The following CDH13 variants were observed in gnomAD, a reference collection of about 807,000 sequenced individuals.
CDH13 encodes the protein cadherin-13.
CDH13 carries 24 observed loss-of-function variants against 63.8 expected under a neutral mutation model. The observed-to-expected ratio is 0.38, with a 90% confidence interval of 0.27 to 0.53. The LOEUF is 0.53. CDH13 is among the 20% of genes least tolerant of loss of function. The pLI, the probability that CDH13 is intolerant of heterozygous loss-of-function variation, is 0.85. For missense variants in CDH13, 1,049 were observed against 903.1 expected (o/e 1.16, Z -2.07); for synonymous variants, 503 against 355.3 (o/e 1.42, Z -4.67).
At chr16:83,781,182 C>T (rs551938582) in intron 12 of CDH13, among the ~76,000 whole-genome samples, 1 of 152,230 alleles carries the variant, frequency 6.6e-6, no homozygotes, top group South Asian at 2.1e-4. Flanking sequence ...AAAACTTAAC[C>T]CAACTTCTAT....
chr16:82,986,857 TC>T (rs1911007193), intron 2 of CDH13, among the ~76,000 whole-genome samples: 1 of 152,216 alleles, frequency 6.6e-6, no homozygotes, highest in African/African-American at 2.4e-5. Flanking sequence ...ATTTCCCAGT[TC>T]TTTTAAACTT....
At chr16:82,637,490 G>T (rs1908808665) in intron 1 of CDH13, 1 of 145,112 alleles carries the variant, frequency 6.9e-6, no homozygotes, top group South Asian at 2.2e-4. Flanking sequence ...GAGGGCAGTG[G>T]CGCGATCTCG....
intron 7 of CDH13, among the ~76,000 whole-genome samples, chr16:83,586,855 G>T (rs1166612814): frequency 2.0e-5 from 3 of 152,178 alleles, no homozygotes; most frequent in Non-Finnish European, 4.4e-5. Flanking sequence ...GACAACAGCT[G>T]TGGTGTAACT....
At chr16:82,759,288 TC>T (rs1418926268) in intron 1 of CDH13, among the ~76,000 whole-genome samples, 1 of 152,166 alleles carries the variant, frequency 6.6e-6, no homozygotes, top group Admixed American at 6.5e-5. Flanking sequence ...CACTTGTACT[TC>T]CCAAATATAT....
chr16:83,383,437 A>G (rs1193825252), intron 6 of CDH13, among the ~76,000 whole-genome samples: 1 of 152,112 alleles, frequency 6.6e-6, no homozygotes, highest in Admixed American at 6.5e-5. Flanking sequence ...TCAACTCACA[A>G]GCCTTGACTC....
At chr16:83,048,666 A>G (rs2029917330) in intron 3 of CDH13, among the ~76,000 whole-genome samples, 1 of 152,086 alleles carries the variant, frequency 6.6e-6, no homozygotes. Flanking sequence ...TCCCTCTCAG[A>G]GAAAGACCGA....
At chr16:83,356,542 A>G (rs1053822550) in intron 6 of CDH13, among the ~76,000 whole-genome samples, 2 of 152,158 alleles carry the variant, frequency 1.3e-5, no homozygotes, top group Admixed American at 1.3e-4. Flanking sequence ...CCCTTGCTCT[A>G]AGACTCCCAT....
At chr16:82,970,389 T>C in intron 2 of CDH13, among the ~76,000 whole-genome samples, 2 of 104,274 alleles carry the variant, frequency 1.9e-5, no homozygotes, top group East Asian at 5.9e-4. Context: ...ATTCTTTTTT[T>C]TTTTTTTTTT....
At chr16:82,839,674 C>T (rs887948952) in intron 1 of CDH13, among the ~76,000 whole-genome samples, 1 of 152,166 alleles carries the variant, frequency 6.6e-6, no homozygotes, top group Non-Finnish European at 1.5e-5. Flanking sequence ...TCGCCATGTG[C>T]ACCTCTCTGC....
intron 5 of CDH13, among the ~76,000 whole-genome samples, chr16:83,237,586 A>G (rs993412465): frequency 2.6e-5 from 4 of 152,266 alleles, no homozygotes; most frequent in Non-Finnish European, 5.9e-5. Flanking sequence ...AAATAGCTGC[A>G]TTTGGCTGAT....
At chr16:83,404,691 C>T (rs966549871) in intron 6 of CDH13, among the ~76,000 whole-genome samples, 5 of 152,190 alleles carry the variant, frequency 3.3e-5, no homozygotes, top group South Asian at 2.1e-4. Context: ...AAATCTTCCT[C>T]GGTACCCTTC....
chr16:83,152,942 T>G (rs559809229), intron 4 of CDH13, among the ~76,000 whole-genome samples: 1 of 151,904 alleles, frequency 6.6e-6, no homozygotes, highest in African/African-American at 2.4e-5. Context: ...AAAGCAGAGA[T>G]TGGGATGATG....
intron 5 of CDH13, among the ~76,000 whole-genome samples, chr16:83,239,223 T>A (rs113084713): frequency 0.043 from 6,561 of 152,268 alleles, 152 homozygotes; most frequent in Middle Eastern, 0.065. Flanking sequence ...TTATAAGTTA[T>A]CACTGCAGAG....
chr16:83,237,620 G>GT lies in CDH13; in HGVS notation c.636+20127dup, dbSNP rs1162904693. Among the ~76,000 whole-genome samples, 6 of 152,340 alleles carry GT rather than the reference G, an allele frequency of 3.9e-5. No homozygotes were observed. The East Asian group carries it at 7.7e-4, about 20-fold the overall frequency. On this transcript the variant is annotated intron_variant, in intron 5 of 13. Coordinates refer to ENST00000567109, the MANE Select transcript of CDH13 (RefSeq NM_001257.5). ...ATGGCCTTACTGTTGGAAAGCATAG[G>GT]TTTTGAATGTCACAGGTGAAAACTG...
chr16:83,475,722 C>T (rs190445889), intron 6 of CDH13, among the ~76,000 whole-genome samples: 7 of 152,078 alleles, frequency 4.6e-5, no homozygotes, highest in South Asian at 2.1e-4. Context: ...ACTAGGATTA[C>T]AGGGACATGC....
At position 83,250,175 on chromosome 16, in the gene CDH13, T is replaced by A. The variant is rs1905355273; in HGVS notation, c.636+32678T>A. Among the ~76,000 whole-genome samples, 3 of 152,272 alleles carry A rather than the reference T, an allele frequency of 2.0e-5. No individual in the cohort carries two copies. The East Asian group carries it at 5.8e-4, about 29-fold the overall frequency. ...AATTTTGGTCTAGATTAGATTTTGT[T>A]TATAAACCTGAATAAATATTCAGAT... On this transcript the variant is annotated intron_variant, in intron 5 of 13. Transcript: ENST00000567109.
At chr16:83,102,924 C>T (rs7195791) in intron 3 of CDH13, among the ~76,000 whole-genome samples, 199 of 58,144 alleles carry the variant, frequency 3.4e-3, no homozygotes, top group African/African-American at 8.7e-3. Flanking sequence ...TTTTTTTTTT[C>T]TTTTTCTTTT....
intron 5 of CDH13, among the ~76,000 whole-genome samples, chr16:83,226,742 A>G (rs535128207): frequency 4.6e-5 from 7 of 152,166 alleles, no homozygotes; most frequent in Non-Finnish European, 1.0e-4. Context: ...TACAGGGAAC[A>G]AGTTAAATAA....
intron 2 of CDH13, among the ~76,000 whole-genome samples, chr16:82,889,351 A>G (rs1456841330): frequency 2.0e-5 from 3 of 150,936 alleles, no homozygotes; most frequent in Non-Finnish European, 4.4e-5. Flanking sequence ...CCAACCAACC[A>G]ACCTATCTAA....
Sources: gnomAD v4.1 joint callset for allele counts (sites outside exome capture counted in the v4.1 genomes callset) on GRCh38, gnomAD v4.1.1 for gene constraint, MANE v1.5 for transcripts, NCBI Gene and HGNC (gene_info 2026-07-23, HGNC 2026-07-21) for gene names.